Variants in MAMDC2 observed in about 807,000 individuals in gnomAD.
MAMDC2 encodes the protein MAM domain-containing protein 2.
Under a neutral mutation model 89.8 loss-of-function variants are expected in MAMDC2, and 57 were observed. The ratio of observed to expected loss-of-function variants is 0.63; its 90% CI spans 0.51 to 0.79. MAMDC2 has a LOEUF of 0.79. Ranked by LOEUF, MAMDC2 falls within the 30% of genes least tolerant of loss-of-function variation. The probability of loss-of-function intolerance (pLI) is 0.00; values close to 1 mark genes in which losing one functional copy is unlikely to be tolerated. For synonymous variants in MAMDC2, 313 were observed against 293.4 expected (o/e 1.07, Z -0.68); for missense variants, 800 against 820.6 (o/e 0.97, Z 0.31).
At chr9:70,170,761 C>A in intron 11 of MAMDC2, 130 bp downstream of exon 11, 3 of 807,546 alleles carry the variant, frequency 3.7e-6, no homozygotes, top group Non-Finnish European at 1.9e-6. Flanking sequence ...TGTGATTCTA[C>A]ACACACAGGA....
intron 2 of MAMDC2, chr9:70,071,652 C>G (rs1396057944): frequency 1.3e-5 from 2 of 152,054 alleles, no homozygotes; most frequent in Non-Finnish European, 2.9e-5. Context: ...CATCATACAG[C>G]CTTTGGGTAA....
chr9:70,053,440 T>G (rs1826958197), intron 2 of MAMDC2, among the ~76,000 whole-genome samples: 1 of 152,212 alleles, frequency 6.6e-6, no homozygotes, highest in Non-Finnish European at 1.5e-5. Flanking sequence ...ATGTTAGTAG[T>G]TGGAGGACAT....
At chr9:70,191,706 C>T (rs1020412612) in intron 11 of MAMDC2, among the ~76,000 whole-genome samples, 1 of 152,082 alleles carries the variant, frequency 6.6e-6, no homozygotes, top group Admixed American at 6.6e-5. Flanking sequence ...TAGCCTACTT[C>T]TGCTTCTACC....
chr9:70,070,627 A>T (rs1203852559), intron 2 of MAMDC2, among the ~76,000 whole-genome samples: 1 of 152,182 alleles, frequency 6.6e-6, no homozygotes, highest in Non-Finnish European at 1.5e-5. Flanking sequence ...AGACAAGAAG[A>T]TCTTATAACA....
chr9:70,111,816 GAA>G (rs1266945073), intron 4 of MAMDC2, among the ~76,000 whole-genome samples: 1 of 152,210 alleles, frequency 6.6e-6, no homozygotes, highest in Non-Finnish European at 1.5e-5. Context: ...AGTGGTAAAG[GAA>G]GCCAGCAAGG....
At chr9:70,080,603 T>C (rs1217704540) in intron 2 of MAMDC2, among the ~76,000 whole-genome samples, 1 of 152,190 alleles carries the variant, frequency 6.6e-6, no homozygotes, top group Non-Finnish European at 1.5e-5. Context: ...GCAGGGGCAG[T>C]TGGTTGGGCC....
chr9:70,082,168 A>G (rs1478445340), intron 2 of MAMDC2: 2 of 152,156 alleles, frequency 1.3e-5, no homozygotes, highest in Non-Finnish European at 1.5e-5. Context: ...TAGGATATAC[A>G]GAATGTGGCT....
intron 2 of MAMDC2, among the ~76,000 whole-genome samples, chr9:70,077,226 C>T (rs2118111586): frequency 6.6e-6 from 1 of 152,296 alleles, no homozygotes; most frequent in East Asian, 1.9e-4. Context: ...ATAAATTGAT[C>T]ACGTCAAAGA....
intron 11 of MAMDC2, among the ~76,000 whole-genome samples, chr9:70,189,424 T>C (rs995664919): frequency 2.6e-5 from 4 of 152,182 alleles, no homozygotes; most frequent in Admixed American, 2.0e-4. Flanking sequence ...CTCTTGTATA[T>C]AATGAGTCAC....
At chr9:70,167,972 A>C (rs574637108) in intron 9 of MAMDC2, among the ~76,000 whole-genome samples, 286 of 152,350 alleles carry the variant, frequency 1.9e-3, no homozygotes, top group African/African-American at 6.6e-3. Context: ...ATTTCCAAAA[A>C]ATCAATAGTG....
chr9:70,062,739 G>C (rs73650512), intron 2 of MAMDC2: 1 of 152,180 alleles, frequency 6.6e-6, no homozygotes, highest in Non-Finnish European at 1.5e-5. Context: ...TGGAGCTCTG[G>C]GTCTGGCTGT....
At chr9:70,107,564 C>A (rs1363849346) in intron 2 of MAMDC2, among the ~76,000 whole-genome samples, 3 of 152,148 alleles carry the variant, frequency 2.0e-5, no homozygotes, top group Non-Finnish European at 2.9e-5. Flanking sequence ...TTTCTCAGAA[C>A]TATGAAATTT....
At chr9:70,046,557 G>A (rs1378759690) in intron 2 of MAMDC2, among the ~76,000 whole-genome samples, 2 of 152,190 alleles carry the variant, frequency 1.3e-5, no homozygotes, top group Non-Finnish European at 2.9e-5. Flanking sequence ...CTGGTCAGTG[G>A]GCATGCCACA....
Position 70,139,638 on chromosome 9 carries a change from T to C in MAMDC2, c.995-507T>C, listed in dbSNP as rs535856794. Among the ~76,000 whole-genome samples the C allele has an allele frequency of 7.9e-5, 12 of 152,282 alleles. No homozygotes were observed. In the South Asian group the frequency reaches 2.3e-3, roughly 29 times the overall value. On this transcript the variant is annotated intron_variant, in intron 7 of 13. Coordinates refer to ENST00000377182, the MANE Select transcript of MAMDC2 (RefSeq NM_153267.5). ...TATAGTCCTTTGGGTATATACCCAG[T>C]AATGGGATGGCTGAGTCAATTGGTA...
intron 5 of MAMDC2, among the ~76,000 whole-genome samples, chr9:70,121,266 G>T (rs765448745): frequency 6.6e-6 from 1 of 152,232 alleles, no homozygotes; most frequent in Non-Finnish European, 1.5e-5. Context: ...AATACAGAGG[G>T]CTGCTGCAAG....
intron 5 of MAMDC2, among the ~76,000 whole-genome samples, chr9:70,115,811 T>C (rs905271399): frequency 6.6e-6 from 1 of 152,184 alleles, no homozygotes; most frequent in African/African-American, 2.4e-5. Context: ...CATGAGTATT[T>C]TAAAAGACAG....
At chr9:70,108,183 CT>C (rs1432021976) in intron 2 of MAMDC2, 27 bp from the exon 3 acceptor site, 1 of 1,507,662 alleles carries the variant, frequency 6.6e-7, no homozygotes, top group Non-Finnish European at 8.9e-7. Context: ...AAAATTGATC[CT>C]TTTCCTATGT....
At chr9:70,090,932 G>A (rs1196690780) in intron 2 of MAMDC2, 4 of 151,956 alleles carry the variant, frequency 2.6e-5, no homozygotes, top group Admixed American at 2.6e-4. Context: ...AAGATATGAG[G>A]AAGCTTTAGA....
chr9:70,129,970 TG>T (rs2030721852), intron 6 of MAMDC2, among the ~76,000 whole-genome samples: 1 of 151,762 alleles, frequency 6.6e-6, no homozygotes. Context: ...TGGCATTCCT[TG>T]GCTTGTAGCT....
Sources: allele counts gnomAD v4.1 joint callset (sites outside exome capture counted in the v4.1 genomes callset), GRCh38; gene constraint gnomAD v4.1.1; transcripts MANE v1.5; gene names NCBI Gene and HGNC (gene_info 2026-07-23, HGNC 2026-07-21).